Variants in CSMD1 observed in about 807,000 individuals in gnomAD.
CSMD1 encodes the protein CUB and sushi domain-containing protein 1.
Under a neutral mutation model 417.5 loss-of-function variants are expected in CSMD1, and 213 were observed. The observed-to-expected ratio is 0.51, with a 90% CI of 0.46 to 0.57. The LOEUF (loss-of-function observed/expected upper bound fraction) is 0.57. CSMD1 is among the 20% of genes least tolerant of loss of function. CSMD1 has a pLI of 0.00. For missense variants in CSMD1, 6,923 were observed against 4,529.7 expected (o/e 1.53, Z -15.17); for synonymous variants, 2,862 against 1,736.8 (o/e 1.65, Z -16.11).
intron 4 of CSMD1, among the ~76,000 whole-genome samples, chr8:4,006,781 T>C (rs1183505138): frequency 6.6e-6 from 1 of 151,742 alleles, no homozygotes; most frequent in East Asian, 1.9e-4. Context: ...TATATCACCA[T>C]TCATATTTCT....
intron 5 of CSMD1, among the ~76,000 whole-genome samples, chr8:3,986,900 G>C (rs2554518): frequency 6.6e-6 from 1 of 151,720 alleles, no homozygotes; most frequent in South Asian, 2.1e-4. Flanking sequence ...GATTGCAGGT[G>C]CACGCCACCA....
intron 23 of CSMD1, among the ~76,000 whole-genome samples, chr8:3,333,966 T>G (rs1807073864): frequency 6.6e-6 from 1 of 152,180 alleles, no homozygotes; most frequent in African/African-American, 2.4e-5. Flanking sequence ...CCCCTCAGCT[T>G]GTATAGGATT....
chr8:4,341,633 T>C (rs1800483966), intron 3 of CSMD1, among the ~76,000 whole-genome samples: 2 of 152,174 alleles, frequency 1.3e-5, no homozygotes, highest in Non-Finnish European at 2.9e-5. Context: ...GAAAAATGTT[T>C]AGGATATGCT....
chr8:3,128,783 A>C lies in CSMD1; in HGVS notation c.6242-10196T>G. 2 of 428,046 alleles carry C rather than the reference A, an allele frequency of 4.7e-6. 1 individual carries two copies. The highest frequency in any genetic ancestry group is 3.4e-5 in the South Asian group (2 of 58,254). 26.5% of individuals were successfully genotyped at this position (428,046 alleles called of 1,614,324 possible). A position where few individuals can be genotyped will look rare whatever the true frequency, so the allele number is the denominator to read the frequency against. On this transcript the variant is annotated intron_variant, in intron 41 of 69. Coordinates refer to ENST00000635120, the MANE Select transcript of CSMD1 (RefSeq NM_033225.6). The stretch of plus-strand genomic sequence containing the variant: ...GGAAATTAATGGCGTACAATAAAAA[A>C]CATGTTGTTTCGAGTTTTTGTTTTT...
chr8:4,628,128 T>C lies in CSMD1; in HGVS notation c.302+9214A>G, dbSNP rs187020283. Among the ~76,000 whole-genome samples the C allele has an allele frequency of 3.5e-3, 530 of 151,464 alleles. 9 individuals are homozygous for C. The highest frequency in any genetic ancestry group is 0.011 in the African/African-American group (473 of 41,342). ...ATATATACTTCTGTGTGTGTGTATA[T>C]ATATATATATATGTACACAGTATCA... On this transcript the variant is annotated intron_variant, in intron 2 of 69. Transcript: ENST00000635120.
At chr8:3,982,044 G>A (rs1041612594) in intron 5 of CSMD1, among the ~76,000 whole-genome samples, 2 of 151,864 alleles carry the variant, frequency 1.3e-5, no homozygotes, top group East Asian at 1.9e-4. Context: ...GGTGACGGTC[G>A]CCTGTAATCC....
intron 3 of CSMD1, among the ~76,000 whole-genome samples, chr8:4,280,936 T>C (rs1185548525): frequency 6.6e-6 from 1 of 152,222 alleles, no homozygotes; most frequent in Non-Finnish European, 1.5e-5. Context: ...GATATACATA[T>C]CCACGTTTTT....
intron 26 of CSMD1, among the ~76,000 whole-genome samples, chr8:3,274,309 C>A (rs1483402930): frequency 6.6e-6 from 1 of 152,122 alleles, no homozygotes; most frequent in African/African-American, 2.4e-5. Flanking sequence ...GTTACAATTT[C>A]TGTTCTTTTA....
intron 5 of CSMD1, among the ~76,000 whole-genome samples, chr8:3,995,006 C>T (rs1568698): frequency 0.18 from 27,408 of 152,052 alleles, 2,939 homozygotes; most frequent in Non-Finnish European, 0.23. Flanking sequence ...GGGAAGAGGT[C>T]GCAGCACCCA....
At position 4,444,326 on chromosome 8, in the gene CSMD1, T is replaced by TAC. The variant is rs540333317; in HGVS notation, c.303-24263_303-24262dup. ...CTCGCGACTTCACTCAAGCCTGGGC[T>TAC]ACAGAGTGAGACTCCATCTCAAAAA... On this transcript the variant is annotated intron_variant, in intron 2 of 69. Coordinates refer to ENST00000635120, the MANE Select transcript of CSMD1 (RefSeq NM_033225.6). Among the ~76,000 whole-genome samples the TAC allele has an allele frequency of 2.8e-3, 302 of 108,572 alleles. 1 individual carries two copies. The highest frequency in any genetic ancestry group is 0.01 in the African/African-American group (274 of 27,114). The allele number at this position is 108,572 out of a possible 152,430, so 71.2% of individuals were successfully genotyped here. A position where few individuals can be genotyped will look rare whatever the true frequency, so the allele number is the denominator to read the frequency against.
chr8:3,130,741 C>A (rs2129026267), intron 41 of CSMD1, among the ~76,000 whole-genome samples: 1 of 152,194 alleles, frequency 6.6e-6, no homozygotes, highest in Non-Finnish European at 1.5e-5. Flanking sequence ...AGTGGCAGAC[C>A]CCAGGCCCCC....
At chr8:3,768,533 G>A (rs1225932125) in intron 5 of CSMD1, among the ~76,000 whole-genome samples, 1 of 152,124 alleles carries the variant, frequency 6.6e-6, no homozygotes, top group Non-Finnish European at 1.5e-5. Flanking sequence ...CAATTTATAA[G>A]AAAGTCCAAA....
intron 3 of CSMD1, among the ~76,000 whole-genome samples, chr8:4,066,639 T>C (rs1415845526): frequency 6.6e-6 from 1 of 152,218 alleles, no homozygotes; most frequent in African/African-American, 2.4e-5. Context: ...CTAACAGCTC[T>C]TTGTGGATGT....
intron 5 of CSMD1, among the ~76,000 whole-genome samples, chr8:3,848,187 C>G (rs1025686292): frequency 6.6e-6 from 1 of 151,990 alleles, no homozygotes; most frequent in African/African-American, 2.4e-5. Context: ...CAGGCAAAAG[C>G]CAATGTCAGG....
chr8:4,476,977 C>A (rs1407396457), intron 2 of CSMD1, among the ~76,000 whole-genome samples: 5 of 152,186 alleles, frequency 3.3e-5, no homozygotes, highest in Admixed American at 6.5e-5. Flanking sequence ...CTGCTGAATG[C>A]CAATTGCTGG....
intron 10 of CSMD1, among the ~76,000 whole-genome samples, chr8:3,514,455 C>T (rs533530859): frequency 6.6e-6 from 1 of 152,294 alleles, no homozygotes. Flanking sequence ...GCTCACGGGT[C>T]ATCCCCACTG....
At chr8:4,117,804 T>C (rs1258600527) in intron 3 of CSMD1, among the ~76,000 whole-genome samples, 3 of 151,996 alleles carry the variant, frequency 2.0e-5, no homozygotes, top group Non-Finnish European at 2.9e-5. Context: ...TCAGAACGTA[T>C]CCTAGAGGAC....
At chr8:4,308,422 A>T (rs559445431) in intron 3 of CSMD1, among the ~76,000 whole-genome samples, 16 of 115,654 alleles carry the variant, frequency 1.4e-4, no homozygotes, top group Non-Finnish European at 2.6e-4. Flanking sequence ...TGTTATGTGG[A>T]AAGTCTGATG....
At chr8:3,366,732 G>T (rs1563315766) in intron 20 of CSMD1, among the ~76,000 whole-genome samples, 1 of 152,286 alleles carries the variant, frequency 6.6e-6, no homozygotes, top group East Asian at 1.9e-4. Flanking sequence ...TAGAGTTGGT[G>T]AAGAGAATCG....
Sources: allele counts gnomAD v4.1 joint callset (sites outside exome capture counted in the v4.1 genomes callset), GRCh38; gene constraint gnomAD v4.1.1; transcripts MANE v1.5; gene names NCBI Gene and HGNC (gene_info 2026-07-23, HGNC 2026-07-21).